LAMA3: variants seen among roughly 807,000 people sequenced by gnomAD.
The protein encoded by LAMA3 is laminin subunit alpha 3.
In LAMA3, 281 loss-of-function variants were observed where a neutral mutation model predicts 402.0. The observed-to-expected ratio is 0.70, with a 90% CI of 0.63 to 0.77. The LOEUF (loss-of-function observed/expected upper bound fraction) is 0.77, where lower values mean the gene tolerates loss of function less well. Ranked by LOEUF, LAMA3 falls within the 30% of genes least tolerant of loss-of-function variation. The pLI, the probability that LAMA3 is intolerant of heterozygous loss-of-function variation, is 0.00. For synonymous variants in LAMA3, 1,431 were observed against 1,558.4 expected (o/e 0.92, Z 1.93); for missense variants, 3,840 against 4,215.5 (o/e 0.91, Z 2.47).
At chr18:23,833,314 C>T (rs539121789) in intron 23 of LAMA3, among the ~76,000 whole-genome samples, 1 of 152,224 alleles carries the variant, frequency 6.6e-6, no homozygotes, top group Non-Finnish European at 1.5e-5. Flanking sequence ...CATTAACAGT[C>T]CTTATTAACA....
chr18:23,911,634 G>A (rs1006529186), intron 55 of LAMA3, among the ~76,000 whole-genome samples: 1 of 151,386 alleles, frequency 6.6e-6, no homozygotes, highest in African/African-American at 2.4e-5. Flanking sequence ...AGCTCAAGAA[G>A]CGCTATTTTA....
chr18:23,762,504 G>A (rs979761659), intron 7 of LAMA3, among the ~76,000 whole-genome samples: 1 of 151,486 alleles, frequency 6.6e-6, no homozygotes, highest in African/African-American at 2.4e-5. Flanking sequence ...TGGGAGAATC[G>A]CTTGAACCCA....
intron 2 of LAMA3, among the ~76,000 whole-genome samples, chr18:23,729,148 GTGTGTT>G (rs1304292302): frequency 3.4e-5 from 5 of 148,462 alleles, no homozygotes; most frequent in African/African-American, 1.3e-4. Flanking sequence ...GTGTGTGTGT[GTGTGTT>G]TGTGTGTGTA....
rs147977672 is a variant in LAMA3, at chr18:23,899,300, A to G, written c.5849A>G (p.Gln1950Arg). ...VIRNVHILLK[Q>R]ISGTDGEGNN... ...TGATGTTTCCTAGTTCTTTTAAAGC[A>G]GATCTCTGGGACAGATGGAGAGGGA... Residue 1950 changes from glutamine (Q) to arginine (R), a missense_variant, in exon 47 of 75, where the codon CAG becomes CGG. By Grantham distance (43) the Gln-to-Arg change is conservative. Transcript: ENST00000313654. 2.9e-5 allele frequency: 46 copies of G among 1,614,012 alleles called. No homozygotes were observed. Among genetic ancestry groups the G allele is most frequent in the Middle Eastern group, 1.6e-4 (1 of 6,062 alleles).
At chr18:23,834,094 C>A in intron 24 of LAMA3, 106 bp downstream of exon 24, 1 of 1,347,606 alleles carries the variant, frequency 7.4e-7, no homozygotes, top group Non-Finnish European at 1.1e-6. Context: ...CTTTTTGAGG[C>A]AGCTCTTGAA....
chr18:23,814,313 T>C (rs1568211994), intron 14 of LAMA3, 90 bp from the exon 15 acceptor site: 2 of 991,108 alleles, frequency 2.0e-6, no homozygotes, highest in Non-Finnish European at 1.6e-6. Context: ...GACCAAAATA[T>C]GTTTCTGTGA....
At chr18:23,843,363 A>G (rs2015777705) in intron 29 of LAMA3, among the ~76,000 whole-genome samples, 1 of 151,982 alleles carries the variant, frequency 6.6e-6, no homozygotes, top group African/African-American at 2.4e-5. Flanking sequence ...CGATGTGCCT[A>G]CCCTTTTCAT....
At chr18:23,889,118 A>G (rs887558323) in intron 41 of LAMA3, among the ~76,000 whole-genome samples, 2 of 152,138 alleles carry the variant, frequency 1.3e-5, no homozygotes, top group African/African-American at 4.8e-5. Context: ...TAGTGCAAAT[A>G]TGAATTATGC....
At chr18:23,813,553 C>CTTT (rs1164123647) in intron 14 of LAMA3, among the ~76,000 whole-genome samples, 60 of 115,016 alleles carry the variant, frequency 5.2e-4, no homozygotes, top group East Asian at 1.7e-3. Flanking sequence ...TCTTTTCTTT[C>CTTT]TTTTTTTTTT....
At position 23,867,874 on chromosome 18, in the gene LAMA3, C is replaced by T. The variant is rs776193773; in HGVS notation, c.4724C>T (p.Pro1575Leu). 18 of 1,614,048 alleles carry T rather than the reference C, an allele frequency of 1.1e-5. No homozygotes were observed. Among genetic ancestry groups the T allele is most frequent in the East Asian group, 1.1e-4 (5 of 44,864 alleles). ...MSIIYEETNT[P>L]RPDRLHHGRV... ...ATCATCTATGAGGAGACAAACACCC[C>T]ACGGCCAGACCGGCTGCATCATGGA... Residue 1575 changes from proline (P) to leucine (L), a missense_variant, in exon 37 of 75, where the codon CCA (proline) becomes CTA (leucine). Coordinates refer to ENST00000313654, the MANE Select transcript of LAMA3 (RefSeq NM_198129.4).
In LAMA3 at chr18:23,714,068, G is replaced by A. The variant is rs1265654188; in HGVS notation, c.443G>A (p.Gly148Glu). The change falls in exon 2 of 75, where the codon GGG becomes GAG. Residue 148 changes from glycine (G) to glutamate (E), a missense_variant. Transcript: ENST00000313654. ...YNRVNLTLDL[G>E]QLFHVAYILI... Reference sequence around the variant, plus strand: ...AGAGTCAACCTCACCTTGGATCTGGGGCAGGTGAGCTACACTTTTAACTGG... The same window carrying A: ...AGAGTCAACCTCACCTTGGATCTGGAGCAGGTGAGCTACACTTTTAACTGG... 4 of 1,613,562 alleles carry A rather than the reference G, an allele frequency of 2.5e-6. No homozygotes were observed. Among genetic ancestry groups the A allele is most frequent in the South Asian group, 1.1e-5 (1 of 91,068 alleles).
At chr18:23,952,908 A>G (rs1436864269) in intron 73 of LAMA3, 82 bp from the exon 74 acceptor site, 12 of 1,583,126 alleles carry the variant, frequency 7.6e-6, no homozygotes, top group African/African-American at 1.3e-5. Context: ...TCTAGTATGA[A>G]GGAGTTAAAA....
chr18:23,928,906 C>A, intron 64 of LAMA3, 141 bp downstream of exon 64: 1 of 826,220 alleles, frequency 1.2e-6, no homozygotes, highest in Non-Finnish European at 2.0e-6. Flanking sequence ...TATAGTTCAA[C>A]CATAAACGTT....
intron 37 of LAMA3, 119 bp downstream of exon 37, chr18:23,868,036 G>A (rs1243409779): frequency 4.8e-6 from 4 of 825,920 alleles, no homozygotes; most frequent in Admixed American, 2.1e-5. Context: ...ATATAAATAT[G>A]TTTATATATA....
rs766625238 is a variant in LAMA3, at chr18:23,846,469, C to A, written c.3892C>A (p.Arg1298Ser). 1 of 1,612,704 alleles carries A rather than the reference C, an allele frequency of 6.2e-7. No individual in the cohort carries two copies. The highest frequency in any genetic ancestry group is 1.1e-5 in the South Asian group (1 of 91,082). Reference sequence around the variant, plus strand: ...CAACGTCATCGGGCGGCAGTGCACCCGCTGTGCAACAGGCCACTACGGATT... The same window carrying A: ...CAACGTCATCGGGCGGCAGTGCACCAGCTGTGCAACAGGCCACTACGGATT... ...QPNVIGRQCT[R>S]CATGHYGFPR... Residue 1298 changes from arginine to serine, a missense_variant, in exon 31 of 75, where the codon CGC (arginine) becomes AGC (serine). Physicochemically the swap from Arg to Ser is moderately radical, Grantham distance 110. This residue lies in a region of LAMA3 where 2,109 missense variants were observed against 2,376.0 expected (regional missense o/e 0.89). Transcript: ENST00000313654.
rs1777425850 is a variant in LAMA3 at position 23,954,926 on chromosome 18, A to G, written c.*278A>G. ...TGGTAATATTAATTTCCACTAAAAA[A>G]TTAAATGTCTTTTAAGAAACATTCT... On this transcript the variant is annotated 3_prime_UTR_variant, in exon 75 of 75. Coordinates refer to ENST00000313654, the MANE Select transcript of LAMA3 (RefSeq NM_198129.4). The G allele has an allele frequency of 2.4e-6, 1 of 411,904 alleles. No individual in the cohort carries two copies. Among genetic ancestry groups the G allele is most frequent in the South Asian group, 2.8e-5 (1 of 35,106 alleles). 25.5% of individuals were successfully genotyped at this position (411,904 alleles called of 1,614,324 possible). A position where few individuals can be genotyped will look rare whatever the true frequency, so the allele number is the denominator to read the frequency against.
chr18:23,954,928 T>A lies in LAMA3; in HGVS notation c.*280T>A, dbSNP rs989466730. The A allele has an allele frequency of 7.4e-6, 3 of 404,932 alleles. No individual in the cohort carries two copies. The South Asian group carries it at 8.6e-5, about 12-fold the overall frequency. 25.1% of individuals were successfully genotyped at this position (404,932 alleles called of 1,614,324 possible). ...GTAATATTAATTTCCACTAAAAAAT[T>A]AAATGTCTTTTAAGAAACATTCTTT... is the stretch of plus-strand genomic sequence containing the variant. On this transcript the variant is annotated 3_prime_UTR_variant, in exon 75 of 75. Transcript: ENST00000313654.
Position 23,914,467 on chromosome 18 carries a change from A to C in LAMA3, c.7387A>C (p.Asn2463His), listed in dbSNP as rs1434811901. The C allele has an allele frequency of 6.2e-7, 1 of 1,614,138 alleles. No homozygotes were observed. The highest frequency in any genetic ancestry group is 2.2e-5 in the East Asian group (1 of 44,880). The change falls in exon 57 of 75, where the codon AAC becomes CAC. Residue 2463 changes from asparagine to histidine, a missense_variant. This residue lies in a region of LAMA3 where 891 missense variants were observed against 857.5 expected (regional missense o/e 1.04). Coordinates refer to ENST00000313654, the MANE Select transcript of LAMA3 (RefSeq NM_198129.4). The stretch of plus-strand genomic sequence containing the variant: ...GGATGGCCAGCTCACCTGTGTCTAC[A>C]ACCTGGGGGACCGTGAGGCTGAACT... Reference protein sequence around the residue: ...VVDGQLTCVYNLGDREAELQV... With the variant: ...VVDGQLTCVYHLGDREAELQV...
intron 41 of LAMA3, 64 bp downstream of exon 41, chr18:23,884,917 GC>G: frequency 3.1e-6 from 4 of 1,288,914 alleles, no homozygotes; most frequent in Non-Finnish European, 4.4e-6. Flanking sequence ...GGGTGGGGCT[GC>G]CAGGTGCTGG....
Sources: gnomAD v4.1 joint callset for allele counts (sites outside exome capture counted in the v4.1 genomes callset) on GRCh38, gnomAD v4.1.1 for gene constraint, gnomAD v4.1.1 regional missense constraint, MANE v1.5 for transcripts, NCBI Gene and HGNC (gene_info 2026-07-23, HGNC 2026-07-21) for gene names.